UBTD1: variants seen among roughly 807,000 people sequenced by gnomAD.
UBTD1 encodes the protein ubiquitin domain-containing protein 1.
A neutral mutation model predicts 21.7 loss-of-function variants in UBTD1; 19 were observed. The ratio of observed to expected loss-of-function variants is 0.87; its 90% CI spans 0.61 to 1.28. The LOEUF (loss-of-function observed/expected upper bound fraction) is 1.28, where lower values mean the gene tolerates loss of function less well. Among genes scored for constraint, UBTD1 ranks in the 50% most tolerant of loss-of-function variants. The pLI is 0.00. For synonymous variants in UBTD1, 116 were observed against 135.1 expected, an observed-to-expected ratio of 0.86 and a Z score of 0.98; for missense variants, 282 against 315.1, an observed-to-expected ratio of 0.89 and a Z score of 0.80.
chr10:97,528,322 C>T (rs1296837384), intron 1 of UBTD1, among the ~76,000 whole-genome samples: 5 of 139,158 alleles, frequency 3.6e-5, no homozygotes, highest in Admixed American at 1.4e-4. Flanking sequence ...ACCTCCCTCC[C>T]GGACGGGGCG....
chr10:97,500,625 C>T (rs540504500), intron 1 of UBTD1, among the ~76,000 whole-genome samples: 2 of 152,330 alleles, frequency 1.3e-5, no homozygotes, highest in South Asian at 2.1e-4. Context: ...TGACAACTCT[C>T]TCCTACGAGA....
chr10:97,538,637 A>G (rs1170892417), intron 1 of UBTD1, among the ~76,000 whole-genome samples: 1 of 152,126 alleles, frequency 6.6e-6, no homozygotes, highest in Non-Finnish European at 1.5e-5. Context: ...GACAGTGAAC[A>G]TTTTATGAAT....
At chr10:97,530,938 A>C (rs1392129590) in intron 1 of UBTD1, among the ~76,000 whole-genome samples, 1 of 151,818 alleles carries the variant, frequency 6.6e-6, no homozygotes, top group East Asian at 1.9e-4. Context: ...CCCAGGCTGG[A>C]GTGCAGTGGC....
At chr10:97,546,935 G>GTC (rs1180952093) in intron 1 of UBTD1, among the ~76,000 whole-genome samples, 3 of 151,884 alleles carry the variant, frequency 2.0e-5, no homozygotes, top group Admixed American at 6.6e-5. Flanking sequence ...CTCTGTCTCC[G>GTC]TCTCTCTCTC....
chr10:97,562,045 G>A (rs2040694991), intron 1 of UBTD1, among the ~76,000 whole-genome samples: 1 of 152,146 alleles, frequency 6.6e-6, no homozygotes, highest in South Asian at 2.1e-4. Context: ...GATGGGAGGG[G>A]GAGTCAGGCC....
chr10:97,558,765 A>T lies in UBTD1; in HGVS notation c.71-9149A>T, dbSNP rs556217131. Among the ~76,000 whole-genome samples, 34 of 152,036 alleles carry T rather than the reference A, an allele frequency of 2.2e-4. No individual in the cohort carries two copies. In the South Asian group the frequency reaches 6.8e-3, roughly 31 times the overall value. On this transcript the variant is annotated intron_variant, in intron 1 of 2. Transcript: ENST00000370664. ...CTGACTTAAATCTTTTAACTATTTG[A>T]TTTTAAGCTTTAAATTGATCTGGTA...
At chr10:97,569,080 C>T (rs1458814657) in intron 2 of UBTD1, among the ~76,000 whole-genome samples, 4 of 152,226 alleles carry the variant, frequency 2.6e-5, no homozygotes, top group Non-Finnish European at 4.4e-5. Context: ...GCCTTGGCCT[C>T]CCGAAGTGCT....
intron 1 of UBTD1, among the ~76,000 whole-genome samples, chr10:97,517,390 C>T (rs551269074): frequency 6.6e-6 from 1 of 152,204 alleles, no homozygotes; most frequent in Non-Finnish European, 1.5e-5. Flanking sequence ...AGAGGAGGAG[C>T]TGCTGGAGAA....
At chr10:97,518,718 G>A (rs1042540523) in intron 1 of UBTD1, among the ~76,000 whole-genome samples, 16 of 152,236 alleles carry the variant, frequency 1.1e-4, no homozygotes, top group African/African-American at 3.9e-4. Flanking sequence ...TATGTCACTT[G>A]TGACAATAAA....
At chr10:97,534,100 T>C (rs2040547489) in intron 1 of UBTD1, among the ~76,000 whole-genome samples, 1 of 152,128 alleles carries the variant, frequency 6.6e-6, no homozygotes, top group Admixed American at 6.5e-5. Context: ...CGCCTTCCCC[T>C]AAGACAAAGG....
Position 97,506,879 on chromosome 10 carries a change from A to G in UBTD1, c.70+7606A>G, listed in dbSNP as rs185971039. ...CTGAGTAATATTCCATTGTATGTAT[A>G]TACCACATTTTGCTTATTCATTCCT... On this transcript the variant is annotated intron_variant, in intron 1 of 2. Coordinates refer to ENST00000370664, the MANE Select transcript of UBTD1 (RefSeq NM_024954.5). Among the ~76,000 whole-genome samples the G allele has an allele frequency of 2.9e-3, 436 of 152,296 alleles. 13 individuals carry two copies. Among genetic ancestry groups the G allele is most frequent in the Admixed American group, 0.027 (411 of 15,290 alleles).
intron 1 of UBTD1, among the ~76,000 whole-genome samples, chr10:97,566,833 T>A (rs1174831452): frequency 2.6e-5 from 4 of 152,132 alleles, no homozygotes. Flanking sequence ...TCACTCTGCC[T>A]TTAGTTTTGA....
At chr10:97,549,697 C>G (rs1279426617) in intron 1 of UBTD1, among the ~76,000 whole-genome samples, 1 of 152,188 alleles carries the variant, frequency 6.6e-6, no homozygotes, top group African/African-American at 2.4e-5. Context: ...TAGCAACTGG[C>G]TCCACCCCTT....
intron 1 of UBTD1, among the ~76,000 whole-genome samples, chr10:97,506,709 CT>C (rs1365188890): frequency 6.6e-6 from 1 of 152,180 alleles, no homozygotes; most frequent in Non-Finnish European, 1.5e-5. Flanking sequence ...TCTGCTTTCT[CT>C]TTTATGAGTT....
intron 1 of UBTD1, among the ~76,000 whole-genome samples, chr10:97,538,098 T>A (rs1433582501): frequency 1.3e-5 from 2 of 152,076 alleles, no homozygotes; most frequent in South Asian, 4.1e-4. Flanking sequence ...AATGCTTGGA[T>A]TACAGGCACC....
rs574661307 is a variant in UBTD1 at position 97,499,081 on chromosome 10, G to C, written c.-123G>C. On this transcript the variant is annotated 5_prime_UTR_variant, in exon 1 of 3. Coordinates refer to ENST00000370664, the MANE Select transcript of UBTD1 (RefSeq NM_024954.5). The stretch of plus-strand genomic sequence containing the variant: ...CATCGCTGGGGCTGAGCGCGCCCCC[G>C]GGGGGAGATCGGGGAGCGCCCGATG... 35 of 1,131,516 alleles carry C rather than the reference G, an allele frequency of 3.1e-5. No homozygotes were observed. Among genetic ancestry groups the C allele is most frequent in the Non-Finnish European group, 3.5e-5 (29 of 821,884 alleles). 70.1% of individuals were successfully genotyped at this position (1,131,516 alleles called of 1,614,324 possible).
chr10:97,500,363 GGGGGAACCA>G, intron 1 of UBTD1, among the ~76,000 whole-genome samples: 1 of 152,342 alleles, frequency 6.6e-6, no homozygotes, highest in South Asian at 2.1e-4. Context: ...GAAGGAAGAT[GGGGGAACCA>G]GGGGAAGCAG....
intron 1 of UBTD1, among the ~76,000 whole-genome samples, chr10:97,500,532 G>A (rs1390620895): frequency 1.3e-5 from 2 of 152,194 alleles, no homozygotes; most frequent in African/African-American, 4.8e-5. Flanking sequence ...TCAAAACCAA[G>A]GGCTGGCTTG....
At position 97,563,388 on chromosome 10, in the gene UBTD1, C is replaced by T. The variant is rs1015385055; in HGVS notation, c.71-4526C>T. On this transcript the variant is annotated intron_variant, in intron 1 of 2. Transcript: ENST00000370664. The stretch of plus-strand genomic sequence containing the variant: ...TTCAGCAATGAGTAAATCGAGGCCT[C>T]GTCAGTTTTGGAGGAAAGAGAAATG... Among the ~76,000 whole-genome samples, 6 of 151,954 alleles carry T rather than the reference C, an allele frequency of 3.9e-5. No homozygotes were observed. In the South Asian group the frequency reaches 6.2e-4, roughly 16 times the overall value.
Sources: gnomAD v4.1 joint callset for allele counts (sites outside exome capture counted in the v4.1 genomes callset) on GRCh38, gnomAD v4.1.1 for gene constraint, MANE v1.5 for transcripts, NCBI Gene and HGNC (gene_info 2026-07-23, HGNC 2026-07-21) for gene names.